The following MACROD2 variants were observed in gnomAD, a reference collection of about 807,000 sequenced individuals.
The protein encoded by MACROD2 is mono-ADP ribosylhydrolase 2, also known as ADP-ribose glycohydrolase MACROD2.
MACROD2 carries 36 observed loss-of-function variants against 70.4 expected under a neutral mutation model. The ratio of observed to expected loss-of-function variants is 0.51; its 90% CI spans 0.39 to 0.68. MACROD2 has a LOEUF of 0.68. Ranked by LOEUF, MACROD2 falls within the 30% of genes least tolerant of loss-of-function variation. The pLI, the probability that MACROD2 is intolerant of heterozygous loss-of-function variation, is 0.00. For synonymous variants in MACROD2, 172 were observed against 178.8 expected (o/e 0.96, Z 0.30); for missense variants, 496 against 538.4 (o/e 0.92, Z 0.78).
intron 3 of MACROD2, among the ~76,000 whole-genome samples, chr20:14,180,308 G>T (rs1328566974): frequency 6.6e-6 from 1 of 152,132 alleles, no homozygotes; most frequent in Admixed American, 6.5e-5. Flanking sequence ...AATGCAGAGA[G>T]TGTGTTTTAG....
At chr20:15,403,003 G>A (rs553625317) in intron 6 of MACROD2, among the ~76,000 whole-genome samples, 6 of 151,476 alleles carry the variant, frequency 4.0e-5, no homozygotes, top group African/African-American at 1.5e-4. Flanking sequence ...TTTTACTCTT[G>A]TTGCTTAGGC....
At chr20:15,162,071 T>C (rs1466760315) in intron 5 of MACROD2, among the ~76,000 whole-genome samples, 15 of 152,076 alleles carry the variant, frequency 9.9e-5, no homozygotes, top group Admixed American at 4.6e-4. Flanking sequence ...ATTACTATTC[T>C]AACAGTAGAA....
In MACROD2 at chr20:14,398,074, A is replaced by T. The variant is rs149759802; in HGVS notation, c.272-95405A>T. Among the ~76,000 whole-genome samples the T allele has an allele frequency of 2.4e-4, 37 of 152,192 alleles. No individual in the cohort carries two copies. The East Asian group carries it at 5.6e-3, about 23-fold the overall frequency. On this transcript the variant is annotated intron_variant, in intron 3 of 17. Transcript: ENST00000684519. ...ATGGATTTTTCATTTTTTATTGATAAATAGTATTTTATTATACTTGTGTGT... is the reference window on the plus strand; with the variant it reads ...ATGGATTTTTCATTTTTTATTGATATATAGTATTTTATTATACTTGTGTGT...
At chr20:15,229,460 A>AT (rs1041769308) in intron 5 of MACROD2, among the ~76,000 whole-genome samples, 17 of 151,876 alleles carry the variant, frequency 1.1e-4, no homozygotes, top group African/African-American at 3.1e-4. Flanking sequence ...TTCTCTTGGT[A>AT]TTTTTTTTCA....
chr20:15,847,318 C>A (rs1032894554), intron 8 of MACROD2, among the ~76,000 whole-genome samples: 1 of 152,142 alleles, frequency 6.6e-6, no homozygotes. Context: ...TCTCTCTAAG[C>A]AATTGAGTGG....
intron 5 of MACROD2, among the ~76,000 whole-genome samples, chr20:15,081,972 A>G (rs181531943): frequency 7.9e-5 from 12 of 152,324 alleles, no homozygotes; most frequent in Admixed American, 1.3e-4. Flanking sequence ...AGGAGGTATG[A>G]AAATGGATGT....
intron 6 of MACROD2, among the ~76,000 whole-genome samples, chr20:15,326,281 G>A (rs921169832): frequency 6.6e-6 from 1 of 151,922 alleles, no homozygotes; most frequent in Non-Finnish European, 1.5e-5. Flanking sequence ...ATGGAAATTT[G>A]TAAGAAGTTT....
intron 3 of MACROD2, among the ~76,000 whole-genome samples, chr20:14,220,981 C>T (rs958331417): frequency 6.6e-6 from 1 of 152,136 alleles, no homozygotes; most frequent in Non-Finnish European, 1.5e-5. Context: ...ATTCACAGTG[C>T]GAGGTGCCGC....
chr20:15,748,802 A>ATT lies in MACROD2; in HGVS notation c.646-113943_646-113942insTT, dbSNP rs1404712761. Among the ~76,000 whole-genome samples the ATT allele has an allele frequency of 2.0e-5, 3 of 152,118 alleles. No homozygotes were observed. The East Asian group carries it at 5.8e-4, about 29-fold the overall frequency. On this transcript the variant is annotated intron_variant, in intron 8 of 17. Coordinates refer to ENST00000684519, the MANE Select transcript of MACROD2 (RefSeq NM_001351661.2). ...CCACCATTATTCTAAATCAAGACCC[A>ATT]GGAGAAATTTTCTCTAATGATATTT...
At chr20:14,737,320 A>C (rs1052964839) in intron 5 of MACROD2, among the ~76,000 whole-genome samples, 1 of 152,148 alleles carries the variant, frequency 6.6e-6, no homozygotes, top group African/African-American at 2.4e-5. Context: ...TCCATGGTGT[A>C]TATGTGCCAC....
At chr20:14,645,556 AATAG>A (rs1568717456) in intron 4 of MACROD2, among the ~76,000 whole-genome samples, 1 of 152,040 alleles carries the variant, frequency 6.6e-6, no homozygotes, top group African/African-American at 2.4e-5. Flanking sequence ...ATTTTACTCA[AATAG>A]ATCTGTACAT....
chr20:15,513,535 A>G (rs960524012), intron 8 of MACROD2, among the ~76,000 whole-genome samples: 1 of 152,162 alleles, frequency 6.6e-6, no homozygotes, highest in Non-Finnish European at 1.5e-5. Flanking sequence ...AACATGAAAT[A>G]TCTTCAATAT....
rs79943667 is a variant in MACROD2, at chr20:15,468,475, A to G, written c.572-31299A>G. 2.6e-3 allele frequency among the ~76,000 whole-genome samples: 396 copies of G among 152,272 alleles called. 1 individual carries two copies. Among genetic ancestry groups the G allele is most frequent in the African/African-American group, 9.1e-3 (378 of 41,544 alleles). ...ATTTGCACCTTGCTTCAAATTACTT[A>G]GGATGTATTATGGCATTATCTATGA... On this transcript the variant is annotated intron_variant, in intron 7 of 17. Transcript: ENST00000684519.
chr20:15,021,205 T>C (rs2075173552), intron 5 of MACROD2, among the ~76,000 whole-genome samples: 1 of 110,104 alleles, frequency 9.1e-6, no homozygotes, highest in Non-Finnish European at 1.9e-5. Context: ...CACCTGTGTG[T>C]ATGTATACAC....
chr20:14,449,682 A>G (rs2084223247), intron 3 of MACROD2, among the ~76,000 whole-genome samples: 1 of 152,188 alleles, frequency 6.6e-6, no homozygotes, highest in South Asian at 2.1e-4. Context: ...CAGGTACTCT[A>G]TAAAGAATTG....
intron 8 of MACROD2, among the ~76,000 whole-genome samples, chr20:15,699,418 G>A (rs1366161292): frequency 6.6e-6 from 1 of 152,198 alleles, no homozygotes; most frequent in African/African-American, 2.4e-5. Flanking sequence ...AGAGTCCTGT[G>A]ATGTGAACTG....
intron 3 of MACROD2, among the ~76,000 whole-genome samples, chr20:14,456,204 GAA>G (rs2084300310): frequency 6.6e-6 from 1 of 151,836 alleles, no homozygotes; most frequent in Admixed American, 6.6e-5. Flanking sequence ...CATGAGTGTT[GAA>G]AAGACTTCAG....
chr20:15,492,629 T>C (rs1432050721), intron 7 of MACROD2, among the ~76,000 whole-genome samples: 5 of 152,224 alleles, frequency 3.3e-5, no homozygotes. Context: ...GATGTCAACA[T>C]ATTGATCAAC....
intron 3 of MACROD2, among the ~76,000 whole-genome samples, chr20:14,087,763 T>C (rs1601206740): frequency 1.3e-5 from 2 of 152,152 alleles, no homozygotes; most frequent in South Asian, 4.1e-4. Flanking sequence ...TCCTGTAGTT[T>C]TAATAAGATA....
Sources: gnomAD v4.1 joint callset for allele counts (sites outside exome capture counted in the v4.1 genomes callset) on GRCh38, gnomAD v4.1.1 for gene constraint, MANE v1.5 for transcripts, NCBI Gene and HGNC (gene_info 2026-07-23, HGNC 2026-07-21) for gene names.